CGNL1: variants seen among roughly 807,000 people sequenced by gnomAD.
The protein encoded by CGNL1 is cingulin-like protein 1.
In CGNL1, 132 loss-of-function variants were observed where a neutral mutation model predicts 141.2. The observed-to-expected ratio is 0.93, with a 90% confidence interval of 0.81 to 1.08. The LOEUF is 1.08. Among genes scored for constraint, CGNL1 ranks in the 50% least tolerant of loss-of-function variants. CGNL1 has a pLI of 0.00. For synonymous variants in CGNL1, 690 were observed against 622.1 expected (o/e 1.11, Z -1.63); for missense variants, 1,870 against 1,588.6 (o/e 1.18, Z -3.01).
chr15:57,546,722 G>T (rs1272003465), intron 18 of CGNL1, among the ~76,000 whole-genome samples: 1 of 152,164 alleles, frequency 6.6e-6, no homozygotes, highest in African/African-American at 2.4e-5. Flanking sequence ...GCAGGGTTGG[G>T]GACTTTGTGG....
chr15:57,537,476 G>A (rs144279223), intron 14 of CGNL1, among the ~76,000 whole-genome samples: 7 of 151,924 alleles, frequency 4.6e-5, no homozygotes, highest in Admixed American at 1.3e-4. Context: ...CCTAATCTCA[G>A]AACTGCCTTT....
At position 57,524,619 on chromosome 15, in the gene CGNL1, G is replaced by A. The variant is rs771279002; in HGVS notation, c.2907G>A (p.Leu969=). The A allele has an allele frequency of 1.2e-6, 2 of 1,614,016 alleles. No individual in the cohort carries two copies. The highest frequency in any genetic ancestry group is 4.5e-5 in the East Asian group (2 of 44,884). Residue 969 remains leucine (L), a synonymous_variant, in exon 12 of 19, where the codon CTG becomes CTA. Transcript: ENST00000281282. ...DIVEASRTST[L]ELQNQLDEYK... ...TTGAGGCCTCCCGTACCTCAACCCT[G>A]GAGCTCCAGAACCAGCTGGATGAGT...
At chr15:57,388,568 C>T (rs1357030482) in intron 1 of CGNL1, among the ~76,000 whole-genome samples, 3 of 152,232 alleles carry the variant, frequency 2.0e-5, no homozygotes, top group African/African-American at 7.2e-5. Flanking sequence ...GCTCGCACGA[C>T]TGTACTGACA....
intron 8 of CGNL1, among the ~76,000 whole-genome samples, chr15:57,462,755 A>G (rs1387959493): frequency 6.6e-6 from 1 of 152,262 alleles, no homozygotes; most frequent in Non-Finnish European, 1.5e-5. Flanking sequence ...ATTGCAAATG[A>G]CAAGAAATGA....
At chr15:57,535,240 G>A (rs2032197723) in intron 14 of CGNL1, among the ~76,000 whole-genome samples, 1 of 152,228 alleles carries the variant, frequency 6.6e-6, no homozygotes, top group Admixed American at 6.5e-5. Context: ...AATACCTGCT[G>A]TGTGCATGGC....
chr15:57,429,917 C>A (rs2063023954), intron 1 of CGNL1, among the ~76,000 whole-genome samples: 1 of 152,124 alleles, frequency 6.6e-6, no homozygotes, highest in Admixed American at 6.6e-5. Context: ...CTCAGCTGAT[C>A]CTCCTATCTC....
rs746312131 is a variant in CGNL1, at chr15:57,439,201, C to T, written c.1202C>T (p.Ser401Leu). The T allele has an allele frequency of 1.2e-6, 2 of 1,614,132 alleles. No individual in the cohort carries two copies. Among genetic ancestry groups the T allele is most frequent in the Non-Finnish European group, 8.5e-7 (1 of 1,180,016 alleles). ...TTTCCTTTTGGCCTCCAAGGGAACT[C>T]GGAGTACCTGATTGAATTCAGTAGG... is the stretch of plus-strand genomic sequence containing the variant. ...SAFPFGLQGN[S>L]EYLIEFSRNL... is the part of the protein sequence containing the mutation. Residue 401 changes from serine (S) to leucine (L), a missense_variant, in exon 2 of 19, where the codon TCG becomes TTG. Transcript: ENST00000281282.
intron 1 of CGNL1, among the ~76,000 whole-genome samples, chr15:57,411,777 A>C (rs182827097): frequency 1.3e-5 from 2 of 151,010 alleles, no homozygotes; most frequent in Admixed American, 1.3e-4. Context: ...TTCTTCCCCA[A>C]TTCTCTTTTG....
At chr15:57,488,798 G>A (rs1206225296) in intron 8 of CGNL1, among the ~76,000 whole-genome samples, 1 of 152,218 alleles carries the variant, frequency 6.6e-6, no homozygotes, top group Non-Finnish European at 1.5e-5. Context: ...CTTCACTAAT[G>A]TGGCAAAAAC....
chr15:57,463,916 T>A (rs1025438716), intron 8 of CGNL1, among the ~76,000 whole-genome samples: 9 of 152,284 alleles, frequency 5.9e-5, no homozygotes, highest in Middle Eastern at 3.4e-3. Flanking sequence ...CTCCCTTTGG[T>A]GGAGTTAGTT....
chr15:57,517,351 CATT>C (rs1204206424), intron 9 of CGNL1, among the ~76,000 whole-genome samples: 6 of 152,138 alleles, frequency 3.9e-5, no homozygotes, highest in Non-Finnish European at 8.8e-5. Context: ...TTTTTTAACT[CATT>C]GTTGATGTTT....
At chr15:57,547,234 T>C in intron 18 of CGNL1, 121 bp from the exon 19 acceptor site, 1 of 1,111,402 alleles carries the variant, frequency 9.0e-7, no homozygotes. Context: ...CATTCATGTG[T>C]TTCTTTTCTG....
chr15:57,526,183 A>AC (rs200183202), intron 12 of CGNL1, among the ~76,000 whole-genome samples: 75 of 151,746 alleles, frequency 4.9e-4, no homozygotes, highest in Middle Eastern at 3.4e-3. Flanking sequence ...TCCAAAACAA[A>AC]AAAAAAAAAG....
At chr15:57,460,949 G>A (rs1254760153) in intron 7 of CGNL1, among the ~76,000 whole-genome samples, 2 of 152,112 alleles carry the variant, frequency 1.3e-5, no homozygotes, top group Admixed American at 1.3e-4. Context: ...GAGCCAAGAT[G>A]CCCACATCTC....
chr15:57,467,565 T>A (rs746711212), intron 8 of CGNL1, among the ~76,000 whole-genome samples: 2 of 152,080 alleles, frequency 1.3e-5, no homozygotes, highest in South Asian at 4.1e-4. Flanking sequence ...ACAAACTGAC[T>A]GTAAAAAACA....
At chr15:57,425,608 G>A (rs2062963939) in intron 1 of CGNL1, among the ~76,000 whole-genome samples, 2 of 152,030 alleles carry the variant, frequency 1.3e-5, no homozygotes, top group South Asian at 4.1e-4. Context: ...AGGCATGGTG[G>A]CATGTGCCTG....
chr15:57,475,522 TGTGTGTG>T (rs1204647245), intron 8 of CGNL1, among the ~76,000 whole-genome samples: 2 of 133,942 alleles, frequency 1.5e-5, no homozygotes, highest in Non-Finnish European at 3.3e-5. Flanking sequence ...TGTGTGTGTG[TGTGTGTG>T]TGTGTGTTTT....
chr15:57,468,559 C>CGTGT lies in CGNL1; in HGVS notation c.2403+6696_2403+6699dup, dbSNP rs67758921. 8.1e-3 allele frequency among the ~76,000 whole-genome samples: 1,188 copies of CGTGT among 145,942 alleles called. 8 individuals are homozygous for CGTGT. The highest frequency in any genetic ancestry group is 0.022 in the African/African-American group (868 of 39,510). On this transcript the variant is annotated intron_variant, in intron 8 of 18. Coordinates refer to ENST00000281282, the MANE Select transcript of CGNL1 (RefSeq NM_032866.5). ...GAAGTTTTCTTTGGTAAAAAGTTTG[C>CGTGT]GTGTGTGTGTGTGTGTGTGTGTGTG...
At chr15:57,434,206 A>G (rs2063078059) in intron 1 of CGNL1, among the ~76,000 whole-genome samples, 1 of 152,258 alleles carries the variant, frequency 6.6e-6, no homozygotes, top group African/African-American at 2.4e-5. Flanking sequence ...CAAAATAATA[A>G]TAACATTTAT....
Sources: allele counts gnomAD v4.1 joint callset (sites outside exome capture counted in the v4.1 genomes callset), GRCh38; gene constraint gnomAD v4.1.1; transcripts MANE v1.5; gene names NCBI Gene and HGNC (gene_info 2026-07-23, HGNC 2026-07-21).